ZBTB7C: variants seen among roughly 807,000 people sequenced by gnomAD.
ZBTB7C encodes zinc finger and BTB domain-containing protein 7C.
A neutral mutation model predicts 25.7 loss-of-function variants in ZBTB7C; 8 were observed. That is an observed-to-expected ratio of 0.31 (90% CI 0.18 to 0.56). The LOEUF (loss-of-function observed/expected upper bound fraction) is 0.56. Ranked by LOEUF, ZBTB7C falls within the 20% of genes least tolerant of loss-of-function variation. The probability of loss-of-function intolerance (pLI) is 0.91; values close to 1 mark genes in which losing one functional copy is unlikely to be tolerated. For missense variants in ZBTB7C, 824 were observed against 855.2 expected, an observed-to-expected ratio of 0.96 and a Z score of 0.46; for synonymous variants, 394 against 369.0, an observed-to-expected ratio of 1.07 and a Z score of -0.78.
intron 2 of ZBTB7C, among the ~76,000 whole-genome samples, chr18:48,264,694 T>G (rs2044262059): frequency 6.6e-6 from 1 of 152,026 alleles, no homozygotes; most frequent in African/African-American, 2.4e-5. Context: ...CCCGGCCAGC[T>G]CCCACCAAAT....
At chr18:48,080,078 C>T (rs997741062) in intron 3 of ZBTB7C, among the ~76,000 whole-genome samples, 6 of 152,240 alleles carry the variant, frequency 3.9e-5, no homozygotes, top group South Asian at 4.1e-4. Flanking sequence ...CTTTGGGGCC[C>T]GCCTGGTGGG....
intron 3 of ZBTB7C, among the ~76,000 whole-genome samples, chr18:48,043,125 G>A (rs190838073): frequency 2.4e-4 from 36 of 152,310 alleles, no homozygotes; most frequent in Admixed American, 1.1e-3. Flanking sequence ...AGGATCACTC[G>A]TATATTGCTG....
intron 1 of ZBTB7C, among the ~76,000 whole-genome samples, chr18:48,342,944 C>T (rs907569994): frequency 2.0e-5 from 3 of 152,122 alleles, no homozygotes; most frequent in Admixed American, 6.6e-5. Context: ...CTCCAGCCTA[C>T]GTTTAAGGCT....
chr18:48,058,632 C>T (rs769802679), intron 3 of ZBTB7C, among the ~76,000 whole-genome samples: 3 of 152,190 alleles, frequency 2.0e-5, no homozygotes, highest in Admixed American at 6.5e-5. Flanking sequence ...AGCCAGCCTC[C>T]GGAATGGCTC....
chr18:48,068,571 T>C (rs949058346), intron 3 of ZBTB7C, among the ~76,000 whole-genome samples: 21 of 151,972 alleles, frequency 1.4e-4, no homozygotes, highest in African/African-American at 4.8e-4. Flanking sequence ...TTTCTGGAAA[T>C]GGAGCCTGGG....
rs375291346 is a variant in ZBTB7C, at chr18:48,041,139, G to A, written c.-16-16C>T. The A allele has an allele frequency of 1.3e-6, 2 of 1,564,504 alleles. No homozygotes were observed. The highest frequency in any genetic ancestry group is 8.7e-7 in the Non-Finnish European group (1 of 1,153,960). ...AGCCAGAGCCCTGCAGAGACACACA[G>A]AGAAGAAGACTGGGTTAGTGAGCGT... On this transcript the variant is annotated splice_polypyrimidine_tract_variant and intron_variant, in intron 3 of 4. Coordinates refer to ENST00000590800, the MANE Select transcript of ZBTB7C (RefSeq NM_001318841.2).
At chr18:48,223,990 C>T in intron 2 of ZBTB7C, among the ~76,000 whole-genome samples, 1 of 152,148 alleles carries the variant, frequency 6.6e-6, no homozygotes, top group East Asian at 1.9e-4. Flanking sequence ...ATAGCTGGAC[C>T]TCCAGCAGCC....
chr18:48,116,583 C>G (rs1256533049), intron 3 of ZBTB7C, among the ~76,000 whole-genome samples: 1 of 152,146 alleles, frequency 6.6e-6, no homozygotes, highest in Non-Finnish European at 1.5e-5. Flanking sequence ...TGCCGGCTTT[C>G]CTACCGCTAC....
chr18:48,157,519 C>A (rs765388247), intron 3 of ZBTB7C, among the ~76,000 whole-genome samples: 14 of 152,298 alleles, frequency 9.2e-5, no homozygotes, highest in Admixed American at 4.6e-4. Context: ...TAATATTATT[C>A]TCTCCATTTT....
At chr18:48,090,048 C>T (rs9956341) in intron 3 of ZBTB7C, among the ~76,000 whole-genome samples, 3,284 of 152,316 alleles carry the variant, frequency 0.022, 123 homozygotes, top group African/African-American at 0.075. Context: ...CCCTTCCCAC[C>T]CTTGGCCAGA....
intron 2 of ZBTB7C, among the ~76,000 whole-genome samples, chr18:48,199,891 G>A (rs1212361474): frequency 6.6e-6 from 1 of 152,180 alleles, no homozygotes; most frequent in Admixed American, 6.5e-5. Context: ...GGGAAGGCTT[G>A]AGCGCTATAC....
At chr18:48,193,461 T>C (rs1021277541) in intron 2 of ZBTB7C, among the ~76,000 whole-genome samples, 3 of 152,094 alleles carry the variant, frequency 2.0e-5, no homozygotes, top group Non-Finnish European at 4.4e-5. Context: ...GCATGCCTCT[T>C]GCTCCCCCAT....
intron 1 of ZBTB7C, among the ~76,000 whole-genome samples, chr18:48,353,521 G>A (rs2046909468): frequency 6.6e-6 from 1 of 152,152 alleles, no homozygotes; most frequent in African/African-American, 2.4e-5. Context: ...CAAGAAACCA[G>A]GCTGCAGCCT....
At chr18:48,366,623 G>C (rs889869470) in intron 1 of ZBTB7C, among the ~76,000 whole-genome samples, 1 of 152,114 alleles carries the variant, frequency 6.6e-6, no homozygotes, top group Non-Finnish European at 1.5e-5. Context: ...ACCCAAAAGG[G>C]AAATGTAAAA....
chr18:48,308,779 C>T (rs1013069277), intron 2 of ZBTB7C, among the ~76,000 whole-genome samples: 1 of 152,182 alleles, frequency 6.6e-6, no homozygotes, highest in African/African-American at 2.4e-5. Context: ...GGACCAGCAG[C>T]ATCAGCATCA....
chr18:48,318,164 C>A (rs144406754), intron 2 of ZBTB7C, among the ~76,000 whole-genome samples: 1 of 152,086 alleles, frequency 6.6e-6, no homozygotes, highest in Admixed American at 6.5e-5. Flanking sequence ...CTCTCTGCCA[C>A]CCCCTATTGA....
chr18:48,175,173 TA>T (rs1398190540), intron 3 of ZBTB7C, among the ~76,000 whole-genome samples: 60 of 152,250 alleles, frequency 3.9e-4, no homozygotes, highest in African/African-American at 1.4e-3. Context: ...GTAGTTCAAA[TA>T]AATACTATAA....
chr18:48,336,638 G>A lies in ZBTB7C; in HGVS notation c.-79+1536C>T, dbSNP rs550515166. Among the ~76,000 whole-genome samples, 63 of 152,284 alleles carry A rather than the reference G, an allele frequency of 4.1e-4. No individual in the cohort carries two copies. In the South Asian group the frequency reaches 0.011, roughly 26 times the overall value. Reference sequence around the variant, plus strand: ...AACATTAGTAACATAGGAGAAGAGCGCTTGACAGACCCAGTCCCTGGCTCT... The same window carrying A: ...AACATTAGTAACATAGGAGAAGAGCACTTGACAGACCCAGTCCCTGGCTCT... On this transcript the variant is annotated intron_variant, in intron 2 of 4. Coordinates refer to ENST00000590800, the MANE Select transcript of ZBTB7C (RefSeq NM_001318841.2).
chr18:48,158,916 C>G (rs1008686852), intron 3 of ZBTB7C, among the ~76,000 whole-genome samples: 1 of 152,158 alleles, frequency 6.6e-6, no homozygotes, highest in African/African-American at 2.4e-5. Context: ...AAGCTGAAGG[C>G]AAATTCCTGG....
Sources: gnomAD v4.1 joint callset for allele counts (sites outside exome capture counted in the v4.1 genomes callset) on GRCh38, gnomAD v4.1.1 for gene constraint, MANE v1.5 for transcripts, NCBI Gene and HGNC (gene_info 2026-07-23, HGNC 2026-07-21) for gene names.